C12orf76: variants seen among roughly 807,000 people sequenced by gnomAD.
C12orf76 encodes uncharacterized protein C12orf76.
Under a neutral mutation model 6.8 loss-of-function variants are expected in C12orf76, and 6 were observed. The ratio of observed to expected loss-of-function variants is 0.88; its 90% CI spans 0.48 to 1.73. The LOEUF (loss-of-function observed/expected upper bound fraction) is 1.73, where lower values mean the gene tolerates loss of function less well. Among genes scored for constraint, C12orf76 ranks in the 40% most tolerant of loss-of-function variants. The pLI, the probability that C12orf76 is intolerant of heterozygous loss-of-function variation, is 0.01. For missense variants in C12orf76, 99 were observed against 98.2 expected, an observed-to-expected ratio of 1.01 and a Z score of -0.03; for synonymous variants, 56 against 43.7, an observed-to-expected ratio of 1.28 and a Z score of -1.11.
intron 3 of C12orf76, chr12:110,058,975 G>A (rs773842262): frequency 1.6e-5 from 24 of 1,530,802 alleles, no homozygotes; most frequent in Middle Eastern, 1.7e-4. Flanking sequence ...TATAAGGAAG[G>A]TGCTAGTATT....
intron 1 of C12orf76, among the ~76,000 whole-genome samples, chr12:110,066,794 T>G (rs554632679): frequency 6.6e-6 from 1 of 152,140 alleles, no homozygotes; most frequent in Non-Finnish European, 1.5e-5. Context: ...TCACTTCTAT[T>G]CAGCTGGAGG....
At chr12:110,068,247 A>AAAGAAGAAGAGGAAGAAGAAG (rs1555253363), upstream of C12orf76, among the ~76,000 whole-genome samples, 1 of 63,778 alleles carries the variant, frequency 1.6e-5, no homozygotes, top group Non-Finnish European at 3.0e-5. Flanking sequence ...GAAGAAGAAG[A>AAAGAAGAAGAGGAAGAAGAAG]AAGAAGAAGA....
intron 1 of C12orf76, 62 bp from the exon 2 acceptor site, chr12:110,042,521 A>G (rs1452582813): frequency 1.9e-6 from 2 of 1,047,860 alleles, no homozygotes; most frequent in Non-Finnish European, 3.0e-6. Context: ...TCATCCACTC[A>G]CTGCCAATGA....
chr12:110,042,777 G>A (rs746928543), intron 1 of C12orf76, among the ~76,000 whole-genome samples: 1 of 152,182 alleles, frequency 6.6e-6, no homozygotes, highest in Non-Finnish European at 1.5e-5. Context: ...ACTAAGACAG[G>A]CCGAGTGTGG....
At chr12:110,068,873 C>T (rs568352588), upstream of C12orf76, among the ~76,000 whole-genome samples, 8 of 152,188 alleles carry the variant, frequency 5.3e-5, no homozygotes, top group East Asian at 1.9e-4. Flanking sequence ...AAACTACTTC[C>T]GCCAATCCCT....
Position 110,057,208 on chromosome 12 carries a change from T to G in C12orf76, n.645A>C, listed in dbSNP as rs377254689. 21 of 1,613,426 alleles carry G rather than the reference T, an allele frequency of 1.3e-5. No individual in the cohort carries two copies. In the African/African-American group the frequency reaches 2.1e-4, roughly 16 times the overall value. On this transcript the variant is annotated non_coding_transcript_exon_variant, in exon 4 of 5. Coordinates refer to the C12orf76 transcript ENST00000309050. ...ACTTACCTTGGCATTGCAGGTAGGA[T>G]GGGCCCCATGCCAGCATGGTTAGAT...
At chr12:110,062,265 C>A (rs1255934434) in intron 2 of C12orf76, among the ~76,000 whole-genome samples, 1 of 151,820 alleles carries the variant, frequency 6.6e-6, no homozygotes, top group Non-Finnish European at 1.5e-5. Flanking sequence ...CTCCATCTCC[C>A]AAAAAAGAAG....
chr12:110,073,429 A>G, exon 1 of C12orf76: 1 of 522,900 alleles, frequency 1.9e-6, no homozygotes, highest in Non-Finnish European at 3.9e-6. Flanking sequence ...TACCTAACAT[A>G]GGAAAAGACG....
intron 2 of C12orf76, among the ~76,000 whole-genome samples, chr12:110,061,913 C>T (rs1892778193): frequency 6.6e-6 from 1 of 152,136 alleles, no homozygotes; most frequent in African/African-American, 2.4e-5. Context: ...CACTTACTGG[C>T]TACACGACCT....
chr12:110,063,694 C>A (rs961288822), intron 2 of C12orf76, among the ~76,000 whole-genome samples: 1 of 151,320 alleles, frequency 6.6e-6, no homozygotes, highest in Non-Finnish European at 1.5e-5. Context: ...ATGGTGTGAT[C>A]TCAGCTCACT....
chr12:110,067,662 C>A (rs1892888561), exon 1 of C12orf76: 11 of 744,696 alleles, frequency 1.5e-5, no homozygotes, highest in Admixed American at 6.3e-5. Flanking sequence ...AGGGGTGAGC[C>A]ACTGCACCCG....
chr12:110,050,784 A>G (rs191075612), upstream of C12orf76: 149 of 584,254 alleles, frequency 2.6e-4, 1 homozygote, highest in East Asian at 3.6e-3. Context: ...TTATTCCACT[A>G]CTTTATTAAT....
intron 1 of C12orf76, 48 bp from the exon 2 acceptor site, chr12:110,042,507 C>A (rs1892340965): frequency 8.1e-7 from 1 of 1,227,422 alleles, no homozygotes; most frequent in Admixed American, 1.7e-5. Flanking sequence ...CCAGGTTAGG[C>A]AATTCATCCA....
chr12:110,073,035 T>C (rs971251549), intron 1 of C12orf76, among the ~76,000 whole-genome samples: 4 of 151,960 alleles, frequency 2.6e-5, no homozygotes, highest in African/African-American at 9.7e-5. Context: ...TTTATAAACC[T>C]GGTCCTATTC....
chr12:110,065,730 C>G, intron 2 of C12orf76: 2 of 1,525,588 alleles, frequency 1.3e-6, no homozygotes. Context: ...ATGAGAGCTT[C>G]TAGAAACATG....
At chr12:110,043,863 A>C (rs1021190276) in intron 1 of C12orf76, among the ~76,000 whole-genome samples, 9 of 36,144 alleles carry the variant, frequency 2.5e-4, no homozygotes, top group Admixed American at 7.5e-4. Flanking sequence ...TCAAAAAAAA[A>C]CAAAAACAAA....
At chr12:110,044,126 G>A (rs576637467) in intron 1 of C12orf76, 3 of 152,180 alleles carry the variant, frequency 2.0e-5, no homozygotes, top group African/African-American at 7.2e-5. Flanking sequence ...CTATCTCAGC[G>A]ATCTTGGGAA....
At chr12:110,065,095 CTTTA>C (rs1037835764) in intron 2 of C12orf76, among the ~76,000 whole-genome samples, 20 of 151,494 alleles carry the variant, frequency 1.3e-4, no homozygotes, top group South Asian at 4.2e-4. Context: ...GCCTGAGATC[CTTTA>C]TTTATTTATT....
chr12:110,050,928 T>G, upstream of C12orf76: 1 of 681,884 alleles, frequency 1.5e-6, no homozygotes, highest in Non-Finnish European at 2.7e-6. Flanking sequence ...GGGACTATAG[T>G]GCAGAAACCT....
Sources: gnomAD v4.1 joint callset for allele counts (sites outside exome capture counted in the v4.1 genomes callset) on GRCh38, gnomAD v4.1.1 for gene constraint, MANE v1.5 for transcripts, NCBI Gene and HGNC (gene_info 2026-07-23, HGNC 2026-07-21) for gene names.